SELP: variants seen among roughly 807,000 people sequenced by gnomAD.
SELP encodes P-selectin.
In SELP, 92 loss-of-function variants were observed where a neutral mutation model predicts 104.1. That is an observed-to-expected ratio of 0.88 (90% CI 0.75 to 1.05). SELP has a LOEUF of 1.05. Among genes scored for constraint, SELP ranks in the 50% least tolerant of loss-of-function variants. The pLI, the probability that SELP is intolerant of heterozygous loss-of-function variation, is 0.00. For synonymous variants in SELP, 397 were observed against 364.5 expected (o/e 1.09, Z -1.01); for missense variants, 1,022 against 1,017.3 (o/e 1.00, Z -0.06).
At position 169,593,620 on chromosome 1, in the gene SELP, G is replaced by C. The variant is rs749608555; in HGVS notation, c.2392C>G (p.Arg798Gly). 1 of 1,612,568 alleles carries C rather than the reference G, an allele frequency of 6.2e-7. No individual in the cohort carries two copies. The highest frequency in any genetic ancestry group is 8.5e-7 in the Non-Finnish European group (1 of 1,179,066). Residue 798 changes from arginine (R) to glycine (G), a missense_variant, in exon 14 of 17, where the codon CGT becomes GGT. Coordinates refer to ENST00000263686, the MANE Select transcript of SELP (RefSeq NM_003005.4). Reference protein sequence around the residue: ...GGTLLALLRKRFRQKDDGKCP... With the variant: ...GGTLLALLRKGFRQKDDGKCP... ...TCCTATTTACCTTTTTGTCTGAAAC[G>C]CTTTCTTAGCAAAGCCAGGAGCGTC...
chr1:169,612,161 A>G (rs2101903935), intron 6 of SELP, 56 bp downstream of exon 6: 2 of 1,554,394 alleles, frequency 1.3e-6, no homozygotes, highest in Non-Finnish European at 1.8e-6. Context: ...TCATCTATGC[A>G]CTAAGTAAGG....
intron 11 of SELP, 117 bp downstream of exon 11, chr1:169,596,874 C>G: frequency 2.2e-6 from 2 of 895,656 alleles, no homozygotes; most frequent in Non-Finnish European, 1.6e-6. Context: ...GTTTGCTAAA[C>G]CCAAATAATG....
chr1:169,626,909 G>T (rs745624508), intron 1 of SELP, among the ~76,000 whole-genome samples: 16 of 152,094 alleles, frequency 1.1e-4, no homozygotes, highest in Non-Finnish European at 2.2e-4. Context: ...CTGGCCTGGA[G>T]CCCCTGGGCT....
chr1:169,598,285 T>C (rs2101875517), intron 10 of SELP, among the ~76,000 whole-genome samples: 1 of 152,342 alleles, frequency 6.6e-6, no homozygotes, highest in Non-Finnish European at 1.5e-5. Flanking sequence ...CTATTCTTTC[T>C]TTAAATCTAA....
intron 2 of SELP, among the ~76,000 whole-genome samples, chr1:169,617,687 G>A (rs538120361): frequency 3.9e-5 from 6 of 152,206 alleles, no homozygotes; most frequent in South Asian, 2.1e-4. Context: ...AAAGTTAGGA[G>A]GGACCCTGGA....
rs931337444 is a variant in SELP, at chr1:169,611,749, G to T, written c.962-72C>A. The T allele has an allele frequency of 2.1e-6, 3 of 1,445,674 alleles. No individual in the cohort carries two copies. In the African/African-American group the frequency reaches 4.3e-5, roughly 20 times the overall value. The allele number at this position is 1,445,674 out of a possible 1,614,324, so 89.6% of individuals were successfully genotyped here. A position where few individuals can be genotyped will look rare whatever the true frequency, so the allele number is the denominator to read the frequency against. ...AAAAGCCACACAGAGAGCAATGGTG[G>T]AACCACCTCTGAAATGCAGGTGGAG... is the stretch of plus-strand genomic sequence containing the variant. On this transcript the variant is annotated intron_variant, in intron 6 of 16. Coordinates refer to ENST00000263686, the MANE Select transcript of SELP (RefSeq NM_003005.4).
At chr1:169,596,234 A>G (rs1661604145) in intron 11 of SELP, 100 bp from the exon 12 acceptor site, 1 of 1,042,758 alleles carries the variant, frequency 9.6e-7, no homozygotes, top group South Asian at 1.5e-5. Flanking sequence ...CTCCCTTCAT[A>G]ACAAGGGAGG....
intron 1 of SELP, among the ~76,000 whole-genome samples, chr1:169,623,457 T>C (rs1663231360): frequency 6.6e-6 from 1 of 152,190 alleles, no homozygotes; most frequent in South Asian, 2.1e-4. Flanking sequence ...AAGAGATGTT[T>C]CCCATTTTAA....
intron 5 of SELP, among the ~76,000 whole-genome samples, 155 bp downstream of exon 5, chr1:169,612,774 T>C (rs954025861): frequency 2.0e-5 from 3 of 152,212 alleles, no homozygotes; most frequent in African/African-American, 7.2e-5. Context: ...GAAATTAATG[T>C]TACTCTGGTT....
chr1:169,616,529 C>T (rs1421458189), intron 3 of SELP, among the ~76,000 whole-genome samples: 1 of 152,126 alleles, frequency 6.6e-6, no homozygotes, highest in African/African-American at 2.4e-5. Context: ...GAGCAAATGA[C>T]ACATGAACTA....
intron 7 of SELP, 67 bp from the exon 8 acceptor site, chr1:169,609,756 C>T (rs1451370626): frequency 1.2e-5 from 17 of 1,431,160 alleles, no homozygotes; most frequent in Non-Finnish European, 1.3e-5. Context: ...AGAAAAAATT[C>T]CTAGATGCTA....
At chr1:169,602,215 T>C (rs145225331) in intron 10 of SELP, among the ~76,000 whole-genome samples, 1 of 152,284 alleles carries the variant, frequency 6.6e-6, no homozygotes, top group East Asian at 1.9e-4. Flanking sequence ...GCAGGGGGTA[T>C]AAAGATGAAG....
At chr1:169,621,363 G>A (rs563559401) in intron 1 of SELP, among the ~76,000 whole-genome samples, 2 of 144,688 alleles carry the variant, frequency 1.4e-5, no homozygotes, top group East Asian at 4.3e-4. Flanking sequence ...GACAGTGTGG[G>A]ATTGTGTGTA....
Position 169,619,169 on chromosome 1 carries a change from A to G in SELP, c.54T>C (p.Phe18=). Residue 18 remains phenylalanine (F), a synonymous_variant, in exon 2 of 17, where the codon TTT becomes TTC. Coordinates refer to ENST00000263686, the MANE Select transcript of SELP (RefSeq NM_003005.4). ...TGAAGCAAAGGAGTTGGGAAATTCCAAAGACCACTCTCTGGAATCTCTGGT... is the reference window on the plus strand; with the variant it reads ...TGAAGCAAAGGAGTTGGGAAATTCCGAAGACCACTCTCTGGAATCTCTGGT... ...ILYQRFQRVV[F]GISQLLCFSA... is the part of the protein sequence containing the mutation. The G allele has an allele frequency of 2.5e-6, 4 of 1,614,086 alleles. No homozygotes were observed. The South Asian group carries it at 4.4e-5, about 18-fold the overall frequency.
At chr1:169,610,779 A>AAAACAAAC (rs76632064) in intron 7 of SELP, among the ~76,000 whole-genome samples, 88 of 151,110 alleles carry the variant, frequency 5.8e-4, no homozygotes, top group East Asian at 5.3e-3. Flanking sequence ...ACTCTGTCTC[A>AAAACAAAC]AAACAAACAA....
intron 2 of SELP, among the ~76,000 whole-genome samples, chr1:169,618,033 C>A (rs949374843): frequency 6.6e-6 from 1 of 152,220 alleles, no homozygotes; most frequent in Non-Finnish European, 1.5e-5. Flanking sequence ...CAGGCTCCCA[C>A]AGCACCTCAT....
chr1:169,592,731 G>C (rs1239886578), intron 14 of SELP, among the ~76,000 whole-genome samples: 1 of 152,076 alleles, frequency 6.6e-6, no homozygotes, highest in Non-Finnish European at 1.5e-5. Context: ...TTTAAATCCT[G>C]CATCAACTTT....
At chr1:169,630,020 T>C (rs910168975) in intron 1 of SELP, 52 bp downstream of exon 1, 2 of 1,612,906 alleles carry the variant, frequency 1.2e-6, no homozygotes, top group Admixed American at 1.7e-5. Context: ...CTTTACTCCA[T>C]ACCACTCCAA....
In SELP at chr1:169,613,606, T is replaced by C. The variant is rs1426736117; in HGVS notation, c.569A>G (p.Tyr190Cys). ...CTCACCGTATTCACATTCTGGCCCA[T>C]AGAATCCAGGGTAACAGGAGCAGGT... ...NYTCSCYPGF[Y>C]GPECEYVREC... The change falls in exon 4 of 17, where the codon TAT (tyrosine) becomes TGT (cysteine). Residue 190 changes from tyrosine to cysteine, a missense_variant. Transcript: ENST00000263686. 6.2e-7 allele frequency: 1 copy of C among 1,613,780 alleles called. No homozygotes were observed. The highest frequency in any genetic ancestry group is 2.2e-5 in the East Asian group (1 of 44,870).
Sources: gnomAD v4.1 joint callset for allele counts (sites outside exome capture counted in the v4.1 genomes callset) on GRCh38, gnomAD v4.1.1 for gene constraint, MANE v1.5 for transcripts, NCBI Gene and HGNC (gene_info 2026-07-23, HGNC 2026-07-21) for gene names.